The following OSBPL3 variants were observed in gnomAD, a reference collection of about 807,000 sequenced individuals.
OSBPL3 encodes the protein oxysterol-binding protein-related protein 3.
Under a neutral mutation model 120.1 loss-of-function variants are expected in OSBPL3, and 65 were observed. That is an observed-to-expected ratio of 0.54 (90% confidence interval 0.44 to 0.67). The LOEUF (loss-of-function observed/expected upper bound fraction) is 0.67, where lower values mean the gene tolerates loss of function less well. OSBPL3 is among the 30% of genes least tolerant of loss of function. The probability of loss-of-function intolerance (pLI) is 0.00; values close to 1 mark genes in which losing one functional copy is unlikely to be tolerated. For synonymous variants in OSBPL3, 416 were observed against 402.6 expected (o/e 1.03, Z -0.40); for missense variants, 1,004 against 1,082.1 (o/e 0.93, Z 1.01).
intron 9 of OSBPL3, 115 bp from the exon 10 acceptor site, chr7:24,861,884 C>CTT (rs11324094): frequency 5.1e-4 from 152 of 299,840 alleles, no homozygotes; most frequent in Non-Finnish European, 6.6e-4. Flanking sequence ...ATAGGTAGGT[C>CTT]TTTTTTTTTT....
At position 24,892,604 on chromosome 7, in the gene OSBPL3, C is replaced by A; in HGVS notation, c.-132G>T. The A allele has an allele frequency of 7.2e-7, 1 of 1,393,258 alleles. No homozygotes were observed. Among genetic ancestry groups the A allele is most frequent in the South Asian group, 1.7e-5 (1 of 57,180 alleles). 86.3% of individuals were successfully genotyped at this position (1,393,258 alleles called of 1,614,324 possible). A position where few individuals can be genotyped will look rare whatever the true frequency, so the allele number is the denominator to read the frequency against. ...TATTTAAAAAACATTTTGGGTGGCCCAAAGGAAACCCTAAAACCTAAAAAA... is the reference window on the plus strand; with the variant it reads ...TATTTAAAAAACATTTTGGGTGGCCAAAAGGAAACCCTAAAACCTAAAAAA... On this transcript the variant is annotated 5_prime_UTR_variant, in exon 2 of 23. Transcript: ENST00000313367.
chr7:24,934,088 T>G (rs866040799), intron 1 of OSBPL3, among the ~76,000 whole-genome samples: 2 of 152,200 alleles, frequency 1.3e-5, no homozygotes, highest in Admixed American at 1.3e-4. Flanking sequence ...AATAAGGTCA[T>G]ATTGGAGCAG....
At chr7:24,950,620 G>T (rs1285814385) in intron 1 of OSBPL3, among the ~76,000 whole-genome samples, 2 of 152,240 alleles carry the variant, frequency 1.3e-5, no homozygotes, top group African/African-American at 4.8e-5. Context: ...TACTTGGGCG[G>T]CTGAGGCAGG....
chr7:24,895,067 G>T (rs1327092346), intron 1 of OSBPL3, among the ~76,000 whole-genome samples: 3 of 152,150 alleles, frequency 2.0e-5, no homozygotes, highest in African/African-American at 7.2e-5. Context: ...TGGGATTGTT[G>T]CCCGGGGAAA....
intron 1 of OSBPL3, among the ~76,000 whole-genome samples, chr7:24,942,630 G>C (rs1252190889): frequency 6.6e-6 from 1 of 152,172 alleles, no homozygotes; most frequent in African/African-American, 2.4e-5. Flanking sequence ...CTTCCTGTTA[G>C]GTGCAAGCCT....
Position 24,841,717 on chromosome 7 carries a change from A to AAAAAAAAAAAAAAAAAG in OSBPL3, c.1401+561_1401+562insCTTTTTTTTTTTTTTTT, listed in dbSNP as rs70942886. Reference sequence around the variant, plus strand: ...CTCAAAAAAAAAAAAAAAAAAAAAAAAAAAGAGGCCAGGCACAGTGGCTCA... The same window carrying AAAAAAAAAAAAAAAAAG: ...CTCAAAAAAAAAAAAAAAAAAAAAAAAAAAAAAAAAAAAAAAGAAAAGAGGCCAGGCACAGTGGCTCA... On this transcript the variant is annotated intron_variant, in intron 13 of 22. Transcript: ENST00000313367. 4.8e-3 allele frequency among the ~76,000 whole-genome samples: 397 copies of AAAAAAAAAAAAAAAAAG among 82,772 alleles called. 75 individuals are homozygous for AAAAAAAAAAAAAAAAAG. The highest frequency in any genetic ancestry group is 5.2e-3 in the African/African-American group (108 of 20,778). The allele number at this position is 82,772 out of a possible 152,430, so 54.3% of individuals were successfully genotyped here.
At chr7:24,889,351 T>C (rs988039862) in intron 2 of OSBPL3, among the ~76,000 whole-genome samples, 2 of 152,142 alleles carry the variant, frequency 1.3e-5, no homozygotes, top group African/African-American at 4.8e-5. Context: ...GTCTGATAAG[T>C]TCTGGGGATC....
intron 1 of OSBPL3, among the ~76,000 whole-genome samples, chr7:24,935,390 T>C (rs1266841462): frequency 2.0e-5 from 3 of 152,178 alleles, no homozygotes; most frequent in Non-Finnish European, 4.4e-5. Context: ...ATGTACTCAC[T>C]TTGTGTGTAT....
intron 16 of OSBPL3, among the ~76,000 whole-genome samples, chr7:24,829,870 C>G (rs1796163121): frequency 6.6e-6 from 1 of 152,154 alleles, no homozygotes; most frequent in Admixed American, 6.5e-5. Context: ...CCATTATAAA[C>G]TCTGCTGGCA....
intron 1 of OSBPL3, among the ~76,000 whole-genome samples, chr7:24,907,989 T>G (rs1383744451): frequency 6.6e-6 from 1 of 152,258 alleles, no homozygotes; most frequent in Non-Finnish European, 1.5e-5. Flanking sequence ...TCTTTACTGT[T>G]CACTGGAATC....
Position 24,918,862 on chromosome 7 carries a change from T to C in OSBPL3, c.-149-26241A>G, listed in dbSNP as rs1187470127. 2.0e-5 allele frequency among the ~76,000 whole-genome samples: 3 copies of C among 152,232 alleles called. No homozygotes were observed. The highest frequency in any genetic ancestry group is 7.2e-5 in the African/African-American group (3 of 41,470). On this transcript the variant is annotated intron_variant, in intron 1 of 22. Transcript: ENST00000313367. This position sits in a 1 kb window ranked among gnomAD's most constrained non-coding sequence, Gnocchi z 4.3. ...TATTACAAGGTACCAAGAAAGCTTC[T>C]GCATCCATGAGAAGGGGATAGAAAA...
intron 1 of OSBPL3, among the ~76,000 whole-genome samples, chr7:24,973,451 C>T (rs1817248161): frequency 6.6e-6 from 1 of 152,232 alleles, no homozygotes; most frequent in Non-Finnish European, 1.5e-5. Context: ...AAACAACAGA[C>T]TTAGGTAGAG....
Position 24,866,224 on chromosome 7 carries a change from T to C in OSBPL3, c.395A>G (p.Glu132Gly), listed in dbSNP as rs748471941. Residue 132 changes from glutamate to glycine, a missense_variant, in exon 6 of 23, where the codon GAA becomes GGA. This residue lies in a region of OSBPL3 where 255 missense variants were observed against 248.7 expected (regional missense o/e 1.03). Transcript: ENST00000313367. Reference sequence around the variant, plus strand: ...TTTCGATACCCACTCATCAAAGACTTCTTCTGACTTGACCTATAATATATT... The same window carrying C: ...TTTCGATACCCACTCATCAAAGACTCCTTCTGACTTGACCTATAATATATT... Reference protein sequence around the residue: ...HIYHLKVKSEEVFDEWVSKLR... With the variant: ...HIYHLKVKSEGVFDEWVSKLR... The C allele has an allele frequency of 6.2e-7, 1 of 1,608,966 alleles. No homozygotes were observed. The highest frequency in any genetic ancestry group is 8.5e-7 in the Non-Finnish European group (1 of 1,175,296).
rs1241681396 is a variant in OSBPL3 at position 24,863,463 on chromosome 7, C to T, written c.777+33G>A. 6.5e-7 allele frequency: 1 copy of T among 1,539,278 alleles called. No individual in the cohort carries two copies. The highest frequency in any genetic ancestry group is 2.2e-5 in the East Asian group (1 of 44,480). The stretch of plus-strand genomic sequence containing the variant: ...GAGGAGAAAGGAAAGCAGAAGAGGG[C>T]CAGAATGTCAACAGAAGAGGAGTCC... On this transcript the variant is annotated intron_variant, in intron 8 of 22. Transcript: ENST00000313367. The surrounding 1 kb of genome is among the most constrained non-coding windows in gnomAD (Gnocchi z 5.8).
At chr7:24,978,744 A>G (rs1484192467) in intron 1 of OSBPL3, among the ~76,000 whole-genome samples, 12 of 152,148 alleles carry the variant, frequency 7.9e-5, no homozygotes, top group Admixed American at 7.9e-4. Context: ...CCTCATCCCA[A>G]TACTCAAACT....
At chr7:24,880,437 C>A (rs543970828) in intron 2 of OSBPL3, among the ~76,000 whole-genome samples, 1 of 152,072 alleles carries the variant, frequency 6.6e-6, no homozygotes, top group East Asian at 1.9e-4. Flanking sequence ...TCTCCCCCAG[C>A]GGAACAAGTC....
In OSBPL3 at chr7:24,939,546, G is replaced by A. The variant is rs749722340; in HGVS notation, c.-150+40340C>T. Among the ~76,000 whole-genome samples, 1 of 152,170 alleles carries A rather than the reference G, an allele frequency of 6.6e-6. No individual in the cohort carries two copies. Among genetic ancestry groups the A allele is most frequent in the Non-Finnish European group, 1.5e-5 (1 of 68,036 alleles). On this transcript the variant is annotated intron_variant, in intron 1 of 22. Coordinates refer to ENST00000313367, the MANE Select transcript of OSBPL3 (RefSeq NM_015550.4). The surrounding 1 kb of genome is among the most constrained non-coding windows in gnomAD (Gnocchi z 4.2). ...TTGCATGTTTTAAAAAATTAAACAC[G>A]CAGGAAGAAAAGACTAAAGAAACTG... is the stretch of plus-strand genomic sequence containing the variant.
intron 2 of OSBPL3, among the ~76,000 whole-genome samples, chr7:24,886,788 G>C (rs1584506080): frequency 6.6e-6 from 1 of 152,190 alleles, no homozygotes; most frequent in African/African-American, 2.4e-5. Flanking sequence ...CATTTGTGAA[G>C]GCTTCTCTCA....
rs115202778 is a variant in OSBPL3 at position 24,939,540 on chromosome 7, A to G, written c.-150+40346T>C. On this transcript the variant is annotated intron_variant, in intron 1 of 22. Transcript: ENST00000313367. This position sits in a 1 kb window ranked among gnomAD's most constrained non-coding sequence, Gnocchi z 4.2. ...AACATGTTGCATGTTTTAAAAAATTAAACACGCAGGAAGAAAAGACTAAAG... is the reference window on the plus strand; with the variant it reads ...AACATGTTGCATGTTTTAAAAAATTGAACACGCAGGAAGAAAAGACTAAAG... Among the ~76,000 whole-genome samples the G allele has an allele frequency of 6.2e-3, 938 of 152,366 alleles. 11 individuals carry two copies. The highest frequency in any genetic ancestry group is 0.021 in the African/African-American group (886 of 41,582).
Sources: allele counts gnomAD v4.1 joint callset (sites outside exome capture counted in the v4.1 genomes callset), GRCh38; gene constraint gnomAD v4.1.1; regional missense constraint gnomAD v4.1.1; non-coding constraint Gnocchi (gnomAD v3.1); transcripts MANE v1.5; gene names NCBI Gene and HGNC (gene_info 2026-07-23, HGNC 2026-07-21).